Variants in SLC24A2 observed in about 807,000 individuals in gnomAD.
SLC24A2 encodes solute carrier family 24 member 2, also known as sodium/potassium/calcium exchanger 2.
SLC24A2 carries 36 observed loss-of-function variants against 62.0 expected under a neutral mutation model. The observed-to-expected ratio is 0.58, with a 90% CI of 0.44 to 0.77. SLC24A2 has a LOEUF of 0.77. SLC24A2 is among the 30% of genes least tolerant of loss of function. SLC24A2 has a pLI of 0.00. For missense variants in SLC24A2, 846 were observed against 817.9 expected (o/e 1.03, Z -0.42); for synonymous variants, 358 against 294.0 (o/e 1.22, Z -2.23).
the SLC24A2 span, among the ~76,000 whole-genome samples, chr9:19,817,643 G>C: frequency 1.3e-5 from 2 of 152,002 alleles, no homozygotes; most frequent in Non-Finnish European, 2.9e-5. Context: ...GCTAAGATTT[G>C]ATTATAAAAT....
the SLC24A2 span, among the ~76,000 whole-genome samples, chr9:19,807,801 C>A: frequency 1.3e-5 from 2 of 152,182 alleles, no homozygotes; most frequent in African/African-American, 2.4e-5. Context: ...TACACCAGTT[C>A]TAGCACTGTG....
the SLC24A2 span, among the ~76,000 whole-genome samples, chr9:20,055,299 G>C: frequency 6.6e-6 from 1 of 152,150 alleles, no homozygotes; most frequent in Admixed American, 6.5e-5. Context: ...TTAAAATTTA[G>C]GCAAAATTGA....
the SLC24A2 span, among the ~76,000 whole-genome samples, chr9:19,889,215 A>T: frequency 2.0e-5 from 3 of 152,208 alleles, no homozygotes; most frequent in Non-Finnish European, 4.4e-5. Context: ...ATATTCTGGG[A>T]CTTGTAGCTT....
At chr9:19,607,267 C>G (rs536077589) in intron 4 of SLC24A2, among the ~76,000 whole-genome samples, 77 of 152,324 alleles carry the variant, frequency 5.1e-4, no homozygotes, top group South Asian at 1.7e-3. Flanking sequence ...TCTGTGACAG[C>G]TGCTTTTTAT....
At chr9:20,032,810 G>A in the SLC24A2 span, among the ~76,000 whole-genome samples, 2 of 152,234 alleles carry the variant, frequency 1.3e-5, no homozygotes, top group African/African-American at 2.4e-5. Context: ...AGGGAGGAGT[G>A]GGGTAAAGGT....
chr9:20,028,262 A>AG, the SLC24A2 span, among the ~76,000 whole-genome samples: 27 of 152,072 alleles, frequency 1.8e-4, no homozygotes, highest in African/African-American at 6.3e-4. Context: ...GCAACACACA[A>AG]GGGGATTTTA....
intron 8 of SLC24A2, among the ~76,000 whole-genome samples, chr9:19,547,125 G>GTGTT (rs1485030569): frequency 1.3e-5 from 2 of 152,202 alleles, no homozygotes; most frequent in African/African-American, 4.8e-5. Context: ...CCAAGGCCCA[G>GTGTT]TGTTTGGCAC....
chr9:20,076,246 G>A, the SLC24A2 span, among the ~76,000 whole-genome samples: 1 of 152,130 alleles, frequency 6.6e-6, no homozygotes, highest in African/African-American at 2.4e-5. Context: ...AGTTAGATGA[G>A]CATTAGAAAT....
the SLC24A2 span, among the ~76,000 whole-genome samples, chr9:20,263,159 C>T: frequency 5.9e-5 from 9 of 152,308 alleles, no homozygotes; most frequent in South Asian, 2.1e-4. Context: ...TTCTTCACTA[C>T]TGGTTTGTTC....
chr9:20,233,929 C>T, the SLC24A2 span, among the ~76,000 whole-genome samples: 1 of 152,172 alleles, frequency 6.6e-6, no homozygotes, highest in East Asian at 1.9e-4. Flanking sequence ...CTGGTGGTGA[C>T]AAAATCTCTC....
rs1395754976 is a variant in SLC24A2, at chr9:19,575,417, G to T, written c.1228+1507C>A. On this transcript the variant is annotated intron_variant, in intron 6 of 10. Coordinates refer to ENST00000341998, the MANE Select transcript of SLC24A2 (RefSeq NM_020344.4). ...TACTGGGTAAAAGGGGAGTTAACAT[G>T]TCCAAGAACAGAGATGAACAGATGA... 3.9e-5 allele frequency among the ~76,000 whole-genome samples: 6 copies of T among 152,310 alleles called. No individual in the cohort carries two copies. The East Asian group carries it at 1.2e-3, about 29-fold the overall frequency.
At chr9:20,272,433 A>T in the SLC24A2 span, among the ~76,000 whole-genome samples, 1 of 152,126 alleles carries the variant, frequency 6.6e-6, no homozygotes, top group African/African-American at 2.4e-5. Context: ...TTTTTATTCC[A>T]ACTCCACAAA....
the SLC24A2 span, among the ~76,000 whole-genome samples, chr9:20,271,572 G>A: frequency 1.3e-5 from 2 of 152,160 alleles, no homozygotes; most frequent in East Asian, 3.8e-4. Context: ...AGCACTGCTA[G>A]GTGCAATAGA....
At chr9:20,223,531 A>T in the SLC24A2 span, among the ~76,000 whole-genome samples, 2 of 152,162 alleles carry the variant, frequency 1.3e-5, no homozygotes, top group African/African-American at 4.8e-5. Context: ...ACTGAGAAGA[A>T]GATCTTGAAG....
the SLC24A2 span, among the ~76,000 whole-genome samples, chr9:19,889,122 T>C: frequency 2.0e-5 from 3 of 152,206 alleles, no homozygotes; most frequent in African/African-American, 7.2e-5. Context: ...CAGAGCACCT[T>C]GGCTGCTGCT....
the SLC24A2 span, among the ~76,000 whole-genome samples, chr9:20,233,437 T>C: frequency 1.4e-4 from 21 of 152,348 alleles, no homozygotes; most frequent in African/African-American, 5.1e-4. Context: ...ATATTTAGGA[T>C]AGTTAGCTCT....
chr9:19,834,189 G>A, the SLC24A2 span, among the ~76,000 whole-genome samples: 342 of 152,286 alleles, frequency 2.2e-3, 2 homozygotes, highest in African/African-American at 7.8e-3. Flanking sequence ...CCAAAGGAAC[G>A]CAGCTCCTCA....
chr9:19,597,178 A>C, intron 5 of SLC24A2, 51 bp downstream of exon 5: 1 of 1,185,594 alleles, frequency 8.4e-7, no homozygotes, highest in Non-Finnish European at 1.3e-6. Context: ...CAAGCAACAG[A>C]CACCATAAAT....
At chr9:20,165,279 T>C in the SLC24A2 span, among the ~76,000 whole-genome samples, 1 of 151,476 alleles carries the variant, frequency 6.6e-6, no homozygotes, top group Non-Finnish European at 1.5e-5. Context: ...ATGCTACAAA[T>C]TTTTTTTTCC....
Sources: allele counts gnomAD v4.1 joint callset (sites outside exome capture counted in the v4.1 genomes callset), GRCh38; gene constraint gnomAD v4.1.1; transcripts MANE v1.5; gene names NCBI Gene and HGNC (gene_info 2026-07-23, HGNC 2026-07-21).